The following DMTN variants were observed in gnomAD, a reference collection of about 807,000 sequenced individuals.
The protein encoded by DMTN is dematin.
Under a neutral mutation model 59.4 loss-of-function variants are expected in DMTN, and 27 were observed. That is an observed-to-expected ratio of 0.45 (90% CI 0.33 to 0.63). DMTN has a LOEUF of 0.63. Among genes scored for constraint, DMTN ranks in the 20% least tolerant of loss-of-function variants. The pLI, the probability that DMTN is intolerant of heterozygous loss-of-function variation, is 0.02. For missense variants in DMTN, 451 were observed against 528.9 expected, an observed-to-expected ratio of 0.85 and a Z score of 1.45; for synonymous variants, 221 against 203.7, an observed-to-expected ratio of 1.08 and a Z score of -0.72.
intron 5 of DMTN, 37 bp downstream of exon 5, chr8:22,069,097 G>A: frequency 6.3e-7 from 1 of 1,598,416 alleles, no homozygotes. Context: ...GCCCTGCCCT[G>A]CCCTGAAGGG....
intron 9 of DMTN, among the ~76,000 whole-genome samples, chr8:22,073,073 G>A (rs909198495): frequency 2.0e-5 from 3 of 152,180 alleles, no homozygotes; most frequent in Non-Finnish European, 2.9e-5. Context: ...GGAGGAGGGA[G>A]AACCATGGAA....
At chr8:22,056,243 G>A (rs1802504577), upstream of DMTN, among the ~76,000 whole-genome samples, 1 of 152,182 alleles carries the variant, frequency 6.6e-6, no homozygotes, top group South Asian at 2.1e-4. Flanking sequence ...AGGGGATTCA[G>A]GTTACTGAGG....
intron 12 of DMTN, 61 bp downstream of exon 12, chr8:22,080,521 C>T: frequency 6.2e-7 from 1 of 1,613,960 alleles, no homozygotes; most frequent in Non-Finnish European, 8.5e-7. Flanking sequence ...CCCTGGGCAG[C>T]CGGGGTCTGG....
chr8:22,079,804 A>G (rs1822937691), intron 10 of DMTN, among the ~76,000 whole-genome samples: 1 of 152,112 alleles, frequency 6.6e-6, no homozygotes, highest in South Asian at 2.1e-4. Context: ...TAACATTGTT[A>G]ATAAAATTAT....
chr8:22,076,041 G>C (rs1819540277), intron 10 of DMTN, among the ~76,000 whole-genome samples: 1 of 152,186 alleles, frequency 6.6e-6, no homozygotes, highest in Non-Finnish European at 1.5e-5. Context: ...TTGGACGTGG[G>C]AGGTGCAAGA....
intron 10 of DMTN, among the ~76,000 whole-genome samples, chr8:22,074,167 G>A (rs978379757): frequency 2.0e-5 from 3 of 152,216 alleles, no homozygotes; most frequent in African/African-American, 4.8e-5. Context: ...GTGGGATTTC[G>A]ATGCAGTGTG....
chr8:22,075,590 C>T lies in DMTN; in HGVS notation c.835+1755C>T, dbSNP rs562211134. 7.5e-5 allele frequency among the ~76,000 whole-genome samples: 10 copies of T among 132,890 alleles called. No individual in the cohort carries two copies. In the Admixed American group the frequency reaches 8.2e-4, roughly 11 times the overall value. The allele number at this position is 132,890 out of a possible 152,430, so 87.2% of individuals were successfully genotyped here. On this transcript the variant is annotated intron_variant, in intron 10 of 15. Coordinates refer to ENST00000358242, the MANE Select transcript of DMTN (RefSeq NM_001387751.1). The stretch of plus-strand genomic sequence containing the variant: ...CTGGAGTGCAATGGTGTGATCTTGG[C>T]TCACTGCAACCACTGCCTCCCAGGT...
chr8:22,070,031 G>T, intron 7 of DMTN, 94 bp downstream of exon 7: 1 of 1,574,750 alleles, frequency 6.4e-7, no homozygotes, highest in Non-Finnish European at 8.7e-7. Context: ...GGGTCGGGAG[G>T]ATAGCATGTC....
At position 22,076,928 on chromosome 8, in the gene DMTN, G is replaced by A. The variant is rs79889208; in HGVS notation, c.835+3093G>A. Among the ~76,000 whole-genome samples, 28 of 152,234 alleles carry A rather than the reference G, an allele frequency of 1.8e-4. No individual in the cohort carries two copies. The East Asian group carries it at 4.3e-3, about 23-fold the overall frequency. On this transcript the variant is annotated intron_variant, in intron 10 of 15. Coordinates refer to ENST00000358242, the MANE Select transcript of DMTN (RefSeq NM_001387751.1). ...GAGAAGCCGAGGTTGTCTGCTGAGCGTTAGAGGGTGAGACTTGGTGAGAAT... is the reference window on the plus strand; with the variant it reads ...GAGAAGCCGAGGTTGTCTGCTGAGCATTAGAGGGTGAGACTTGGTGAGAAT...
In DMTN at chr8:22,058,170, C is replaced by T. The variant is rs1030256166; in HGVS notation, c.-172+1034C>T. On this transcript the variant is annotated intron_variant, in intron 1 of 15. Coordinates refer to ENST00000358242, the MANE Select transcript of DMTN (RefSeq NM_001387751.1). This position sits in a 1 kb window ranked among gnomAD's most constrained non-coding sequence, Gnocchi z 4.3. ...TGCATGCGTCCTGCAACGGTTTCAG[C>T]GCGGGCGCTTCTGCCTGTGCCCACC... Among the ~76,000 whole-genome samples the T allele has an allele frequency of 1.3e-5, 2 of 151,992 alleles. No individual in the cohort carries two copies. Among genetic ancestry groups the T allele is most frequent in the African/African-American group, 4.8e-5 (2 of 41,398 alleles).
At chr8:22,067,861 G>A (rs868050545) in intron 4 of DMTN, among the ~76,000 whole-genome samples, 179 bp downstream of exon 4, 1 of 152,244 alleles carries the variant, frequency 6.6e-6, no homozygotes, top group African/African-American at 2.4e-5. Flanking sequence ...AGGCAGAACG[G>A]TCTCTGGGCT....
intron 8 of DMTN, among the ~76,000 whole-genome samples, chr8:22,070,626 A>C (rs901742811): frequency 1.3e-5 from 2 of 152,244 alleles, no homozygotes; most frequent in African/African-American, 2.4e-5. Flanking sequence ...TGAGGGGAGC[A>C]CTGGGAAAGA....
At chr8:22,070,617 GA>G (rs1353707296) in intron 8 of DMTN, among the ~76,000 whole-genome samples, 1 of 152,190 alleles carries the variant, frequency 6.6e-6, no homozygotes, top group Non-Finnish European at 1.5e-5. Flanking sequence ...CAGGCTCTGT[GA>G]GGGGAGCACT....
chr8:22,081,606 T>G lies in DMTN; in HGVS notation c.*143T>G. ...GAGTGGGGGGCCAAAACCTCTGCAG[T>G]CCCCGGCAGTGAGCTATGGACTTTC... On this transcript the variant is annotated 3_prime_UTR_variant, in exon 16 of 16. Transcript: ENST00000358242. 71 of 650,404 alleles carry G rather than the reference T, an allele frequency of 1.1e-4. No individual in the cohort carries two copies. The highest frequency in any genetic ancestry group is 4.2e-4 in the Middle Eastern group (1 of 2,406). 40.3% of individuals were successfully genotyped at this position (650,404 alleles called of 1,614,324 possible).
At chr8:22,050,830 C>T (rs1018976004), upstream of DMTN, among the ~76,000 whole-genome samples, 6 of 152,164 alleles carry the variant, frequency 3.9e-5, no homozygotes, top group African/African-American at 9.7e-5. Context: ...CCACACCTCT[C>T]GGCGCCTCTG....
rs1811781147 is a variant in DMTN, at chr8:22,067,538, C to A, written c.105C>A (p.Asp35Glu). 2 of 1,614,048 alleles carry A rather than the reference C, an allele frequency of 1.2e-6. No individual in the cohort carries two copies. Among genetic ancestry groups the A allele is most frequent in the African/African-American group, 2.7e-5 (2 of 74,936 alleles). Residue 35 changes from aspartate to glutamate, a missense_variant, in exon 4 of 16, where the codon GAC becomes GAA. By Grantham distance (45) the Asp-to-Glu change is conservative (BLOSUM62 2). Coordinates refer to ENST00000358242, the MANE Select transcript of DMTN (RefSeq NM_001387751.1). ...ACCTTTCCCTTCAGGCCAAGATGGA[C>A]AATCAGGTGCTGGGCTACAAGGACC... ...GSPSSIVAKMDNQVLGYKDLA... is the reference protein window; with the variant it reads ...GSPSSIVAKMENQVLGYKDLA...
intron 1 of DMTN, among the ~76,000 whole-genome samples, chr8:22,061,747 T>G (rs943390251): frequency 6.8e-6 from 1 of 146,102 alleles, no homozygotes; most frequent in African/African-American, 2.6e-5. Flanking sequence ...ACCTTAATTC[T>G]CATTTTTTTT....
Position 22,081,752 on chromosome 8 carries a change from C to A in DMTN, c.*289C>A. The A allele has an allele frequency of 1.8e-6, 1 of 541,032 alleles. No individual in the cohort carries two copies. The highest frequency in any genetic ancestry group is 1.7e-5 in the South Asian group (1 of 58,062). The allele number at this position is 541,032 out of a possible 1,614,324, so 33.5% of individuals were successfully genotyped here. On this transcript the variant is annotated 3_prime_UTR_variant, in exon 16 of 16. Transcript: ENST00000358242. ...TTGCGCCCTCTCCCTGCCCCTCACC[C>A]CAGAGGGTGAGGAGGAATGAGGGGC... is the stretch of plus-strand genomic sequence containing the variant.
intron 1 of DMTN, among the ~76,000 whole-genome samples, chr8:22,063,708 G>A (rs993249560): frequency 3.2e-4 from 49 of 152,006 alleles, no homozygotes; most frequent in African/African-American, 1.2e-3. Flanking sequence ...TCTCAAACTG[G>A]GCATCTTTCA....
Sources: gnomAD v4.1 joint callset for allele counts (sites outside exome capture counted in the v4.1 genomes callset) on GRCh38, gnomAD v4.1.1 for gene constraint, Gnocchi (gnomAD v3.1) non-coding constraint, MANE v1.5 for transcripts, NCBI Gene and HGNC (gene_info 2026-07-23, HGNC 2026-07-21) for gene names.